NLGN1: variants seen among roughly 807,000 people sequenced by gnomAD.
NLGN1 encodes the protein neuroligin 1, also known as neuroligin-1.
A neutral mutation model predicts 65.5 loss-of-function variants in NLGN1; 12 were observed. The ratio of observed to expected loss-of-function variants is 0.18; its 90% confidence interval spans 0.12 to 0.30. The LOEUF is 0.30. Ranked by LOEUF, NLGN1 falls within the 10% of genes least tolerant of loss-of-function variation. The probability of loss-of-function intolerance (pLI) is 1.00; values close to 1 mark genes in which losing one functional copy is unlikely to be tolerated. For synonymous variants in NLGN1, 350 were observed against 359.5 expected, an observed-to-expected ratio of 0.97 and a Z score of 0.30; for missense variants, 750 against 1,007.1, an observed-to-expected ratio of 0.74 and a Z score of 3.46.
chr3:174,071,234 A>G (rs962189983), intron 4 of NLGN1, among the ~76,000 whole-genome samples: 1 of 152,184 alleles, frequency 6.6e-6, no homozygotes, highest in African/African-American at 2.4e-5. Flanking sequence ...TATTTTTAAG[A>G]TGGCAGCATT....
intron 4 of NLGN1, among the ~76,000 whole-genome samples, chr3:173,871,910 A>G (rs371379347): frequency 2.9e-4 from 44 of 152,338 alleles, no homozygotes; most frequent in African/African-American, 1.0e-3. Context: ...TCAAGAAAAC[A>G]TGAAATATTT....
intron 3 of NLGN1, among the ~76,000 whole-genome samples, chr3:173,672,398 G>A (rs1203329830): frequency 6.6e-6 from 1 of 152,132 alleles, no homozygotes; most frequent in African/African-American, 2.4e-5. Flanking sequence ...AAATGCTTAC[G>A]AGATTTGCAT....
In NLGN1 at chr3:173,975,876, G is replaced by C. The variant is rs113915783; in HGVS notation, c.646+168044G>C. Among the ~76,000 whole-genome samples, 573 of 152,074 alleles carry C rather than the reference G, an allele frequency of 3.8e-3. 4 individuals are homozygous for C. The highest frequency in any genetic ancestry group is 0.013 in the African/African-American group (548 of 41,524). On this transcript the variant is annotated intron_variant, in intron 4 of 6. Transcript: ENST00000457714. ...TTAGTTTCTTTCCACTAGAAACGAA[G>C]TTTCTTGAGGGCAGTCATATGTCTT...
At chr3:173,960,936 CTACT>C (rs1713401222) in intron 4 of NLGN1, among the ~76,000 whole-genome samples, 2 of 151,942 alleles carry the variant, frequency 1.3e-5, no homozygotes, top group South Asian at 2.1e-4. Context: ...ATCTGAAATA[CTACT>C]TAAATTTATA....
chr3:174,140,859 T>G (rs538527620), intron 4 of NLGN1, among the ~76,000 whole-genome samples: 7 of 152,264 alleles, frequency 4.6e-5, no homozygotes, highest in Non-Finnish European at 8.8e-5. Context: ...AGCCAAAAGT[T>G]GAATAATTTT....
chr3:173,475,901 T>G lies in NLGN1; in HGVS notation c.-321+40823T>G, dbSNP rs547427455. 5.9e-5 allele frequency among the ~76,000 whole-genome samples: 9 copies of G among 152,330 alleles called. No individual in the cohort carries two copies. In the South Asian group the frequency reaches 1.5e-3, roughly 25 times the overall value. On this transcript the variant is annotated intron_variant, in intron 2 of 6. Coordinates refer to ENST00000457714, the Ensembl canonical transcript of NLGN1. The stretch of plus-strand genomic sequence containing the variant: ...GGGTCTATTAATTGGGTCTATTTAT[T>G]AACTAAACAAGCACTGCACTTTAAG...
intron 1 of NLGN1, among the ~76,000 whole-genome samples, chr3:173,410,247 CAT>C (rs1280502587): frequency 6.6e-6 from 1 of 152,268 alleles, no homozygotes; most frequent in East Asian, 1.9e-4. Context: ...AACAAAATAA[CAT>C]AGCACTTTTG....
chr3:173,673,959 A>T (rs1280719617), intron 3 of NLGN1, among the ~76,000 whole-genome samples: 1 of 152,150 alleles, frequency 6.6e-6, no homozygotes, highest in Non-Finnish European at 1.5e-5. Context: ...GGTTACTTGG[A>T]GTACGCCCTG....
At chr3:174,022,200 G>T (rs190148021) in intron 4 of NLGN1, among the ~76,000 whole-genome samples, 16 of 152,180 alleles carry the variant, frequency 1.1e-4, no homozygotes, top group Admixed American at 3.3e-4. Context: ...CAGTCGGTGG[G>T]CAACCCTTGG....
chr3:173,734,379 C>CAATTTTTTTTT (rs1560261820), intron 3 of NLGN1, among the ~76,000 whole-genome samples: 9 of 59,062 alleles, frequency 1.5e-4, no homozygotes, highest in African/African-American at 5.8e-4. Context: ...GTGGATAATT[C>CAATTTTTTTTT]TATTTTTTTT....
rs531623089 is a variant in NLGN1 at position 174,163,244 on chromosome 3, A to T, written c.647-112071A>T. ...GGTTAGGAAGTTACCCACTTTAAAA[A>T]TTTTTTCTCCTTTCATGAGATTCAC... On this transcript the variant is annotated intron_variant, in intron 4 of 6. Transcript: ENST00000457714. Among the ~76,000 whole-genome samples, 136 of 152,004 alleles carry T rather than the reference A, an allele frequency of 8.9e-4. 1 individual carries two copies. Among genetic ancestry groups the T allele is most frequent in the Non-Finnish European group, 1.6e-3 (110 of 67,944 alleles).
At chr3:173,919,431 T>C (rs559092001) in intron 4 of NLGN1, among the ~76,000 whole-genome samples, 1 of 152,296 alleles carries the variant, frequency 6.6e-6, no homozygotes, top group South Asian at 2.1e-4. Flanking sequence ...TGTGAGATAA[T>C]TTACACAATT....
intron 4 of NLGN1, among the ~76,000 whole-genome samples, chr3:174,013,968 G>A (rs775386404): frequency 4.6e-5 from 7 of 151,974 alleles, no homozygotes; most frequent in African/African-American, 1.2e-4. Context: ...TCTCTCTTCA[G>A]CCTCCCAAAG....
intron 4 of NLGN1, among the ~76,000 whole-genome samples, chr3:173,970,054 G>A (rs1408514991): frequency 6.6e-6 from 1 of 151,998 alleles, no homozygotes; most frequent in African/African-American, 2.4e-5. Flanking sequence ...ATCAAGTGTT[G>A]CATTTCTGAT....
chr3:173,760,925 G>A (rs752898937), intron 3 of NLGN1, among the ~76,000 whole-genome samples: 4 of 151,992 alleles, frequency 2.6e-5, no homozygotes, highest in Non-Finnish European at 5.9e-5. Flanking sequence ...AGTTAAGTCA[G>A]CACAATAGAG....
At chr3:173,632,948 C>T (rs1402478018) in intron 3 of NLGN1, among the ~76,000 whole-genome samples, 1 of 146,640 alleles carries the variant, frequency 6.8e-6, no homozygotes, top group African/African-American at 2.5e-5. Context: ...GTAATTGCTT[C>T]AAGCAAACTA....
chr3:173,704,117 G>T (rs571956051), intron 3 of NLGN1, among the ~76,000 whole-genome samples: 1 of 152,214 alleles, frequency 6.6e-6, no homozygotes, highest in East Asian at 1.9e-4. Context: ...TCAGTTACTT[G>T]CAAGTACACA....
At chr3:173,586,938 C>T (rs1275450847) in intron 2 of NLGN1, among the ~76,000 whole-genome samples, 1 of 152,152 alleles carries the variant, frequency 6.6e-6, no homozygotes, top group African/African-American at 2.4e-5. Flanking sequence ...TTTAAAAAGA[C>T]AGCTAGCAAA....
intron 4 of NLGN1, among the ~76,000 whole-genome samples, chr3:174,065,214 A>C (rs895687385): frequency 6.6e-6 from 1 of 152,112 alleles, no homozygotes; most frequent in African/African-American, 2.4e-5. Flanking sequence ...AATAAATGAA[A>C]TTAAGTTGTG....
Sources: gnomAD v4.1 joint callset for allele counts (sites outside exome capture counted in the v4.1 genomes callset) on GRCh38, gnomAD v4.1.1 for gene constraint, MANE v1.5 for transcripts, NCBI Gene and HGNC (gene_info 2026-07-23, HGNC 2026-07-21) for gene names.